DGLUCY: variants seen among roughly 807,000 people sequenced by gnomAD.
The protein encoded by DGLUCY is D-glutamate cyclase, mitochondrial.
In DGLUCY, 58 loss-of-function variants were observed where a neutral mutation model predicts 58.5. That is an observed-to-expected ratio of 0.99 (90% CI 0.80 to 1.23). DGLUCY has a LOEUF of 1.23. Among genes scored for constraint, DGLUCY ranks in the 50% most tolerant of loss-of-function variants. The pLI is 0.00. For synonymous variants in DGLUCY, 325 were observed against 314.1 expected, an observed-to-expected ratio of 1.03 and a Z score of -0.37; for missense variants, 779 against 784.7, an observed-to-expected ratio of 0.99 and a Z score of 0.09.
chr14:91,108,406 A>G (rs1240875494), intron 1 of DGLUCY, among the ~76,000 whole-genome samples: 3 of 151,398 alleles, frequency 2.0e-5, no homozygotes, highest in Non-Finnish European at 4.4e-5. Flanking sequence ...AGTCTGTGTC[A>G]GTAAGTTCAC....
chr14:91,191,128 GA>G (rs2049860606), intron 9 of DGLUCY, among the ~76,000 whole-genome samples: 1 of 152,330 alleles, frequency 6.6e-6, no homozygotes, highest in African/African-American at 2.4e-5. Context: ...ACCCCTGGGG[GA>G]CAGGACCTGA....
At chr14:91,183,452 C>A (rs975740858) in intron 8 of DGLUCY, among the ~76,000 whole-genome samples, 1 of 152,182 alleles carries the variant, frequency 6.6e-6, no homozygotes, top group African/African-American at 2.4e-5. Flanking sequence ...CCTTTGTTGG[C>A]AAACACTCAT....
intron 9 of DGLUCY, among the ~76,000 whole-genome samples, chr14:91,191,346 A>G (rs1020442899): frequency 6.6e-6 from 1 of 152,038 alleles, no homozygotes; most frequent in African/African-American, 2.4e-5. Context: ...TCAGTTTGGG[A>G]TGATGAGAAA....
intron 6 of DGLUCY, among the ~76,000 whole-genome samples, chr14:91,173,977 C>T (rs940799311): frequency 2.0e-5 from 3 of 152,010 alleles, no homozygotes; most frequent in Non-Finnish European, 4.4e-5. Flanking sequence ...CAGGGTGGGG[C>T]TGGTCACCAG....
intron 5 of DGLUCY, 66 bp downstream of exon 5, chr14:91,170,267 C>G: frequency 1.3e-6 from 2 of 1,535,820 alleles, no homozygotes; most frequent in Non-Finnish European, 8.8e-7. Context: ...CTTACATATT[C>G]CTGGGGTGGG....
chr14:91,110,687 C>T (rs1257385662), upstream of DGLUCY, among the ~76,000 whole-genome samples: 1 of 152,118 alleles, frequency 6.6e-6, no homozygotes, highest in Non-Finnish European at 1.5e-5. Context: ...CTGCCTGCCT[C>T]AACCTCCCAA....
intron 1 of DGLUCY, among the ~76,000 whole-genome samples, chr14:91,087,542 C>T (rs1436353231): frequency 1.3e-5 from 2 of 152,226 alleles, no homozygotes; most frequent in Non-Finnish European, 1.5e-5. Context: ...TTATACTGGT[C>T]CAAGCAAGCA....
chr14:91,076,678 T>C (rs1022424557), intron 1 of DGLUCY, among the ~76,000 whole-genome samples: 2 of 152,006 alleles, frequency 1.3e-5, no homozygotes, highest in Non-Finnish European at 2.9e-5. Context: ...GATTGAAAGA[T>C]GAGTGGGCAT....
chr14:91,132,259 G>C (rs1436427770), intron 1 of DGLUCY, among the ~76,000 whole-genome samples: 2 of 152,022 alleles, frequency 1.3e-5, no homozygotes, highest in Non-Finnish European at 2.9e-5. Flanking sequence ...ATTTTTGTAA[G>C]TACAATAAAT....
intron 1 of DGLUCY, among the ~76,000 whole-genome samples, chr14:91,135,808 T>G (rs575823637): frequency 6.6e-6 from 1 of 152,046 alleles, no homozygotes; most frequent in South Asian, 2.1e-4. Flanking sequence ...CTGCATTTAT[T>G]GAGATAGTAT....
At chr14:91,175,752 T>C in intron 6 of DGLUCY, 182 bp from the exon 7 acceptor site, 1 of 563,098 alleles carries the variant, frequency 1.8e-6, no homozygotes, top group Non-Finnish European at 3.1e-6. Flanking sequence ...GACTGTAAAT[T>C]ATGGAGTAGC....
intron 1 of DGLUCY, among the ~76,000 whole-genome samples, chr14:91,117,646 TACAC>T (rs765720920): frequency 4.0e-5 from 6 of 149,446 alleles, no homozygotes; most frequent in Non-Finnish European, 8.9e-5. Flanking sequence ...TTTGTTCACA[TACAC>T]ACACACACAC....
intron 8 of DGLUCY, among the ~76,000 whole-genome samples, chr14:91,182,639 C>T (rs1046396623): frequency 2.6e-5 from 4 of 152,156 alleles, no homozygotes; most frequent in African/African-American, 9.7e-5. Flanking sequence ...CCTTTAGTGC[C>T]ATTGCCCTGG....
chr14:91,132,463 G>C (rs189770587), intron 1 of DGLUCY, among the ~76,000 whole-genome samples: 126 of 150,810 alleles, frequency 8.4e-4, no homozygotes, highest in African/African-American at 2.9e-3. Flanking sequence ...ATACTTGGGA[G>C]ACCCATAACT....
At chr14:91,069,064 A>T (rs565127482) in intron 1 of DGLUCY, among the ~76,000 whole-genome samples, 17 of 152,350 alleles carry the variant, frequency 1.1e-4, no homozygotes, top group Non-Finnish European at 2.4e-4. Flanking sequence ...TAAATAACCT[A>T]ATGAAAAAGT....
intron 10 of DGLUCY, among the ~76,000 whole-genome samples, chr14:91,197,854 A>G (rs1446105917): frequency 6.6e-6 from 1 of 152,218 alleles, no homozygotes; most frequent in African/African-American, 2.4e-5. Flanking sequence ...TGCTATGAGC[A>G]TGGGTGGACA....
At chr14:91,207,882 G>C (rs1183990389) in intron 12 of DGLUCY, among the ~76,000 whole-genome samples, 1 of 152,098 alleles carries the variant, frequency 6.6e-6, no homozygotes, top group Non-Finnish European at 1.5e-5. Context: ...GAGTAGCTGG[G>C]ATTACAGGCA....
intron 1 of DGLUCY, among the ~76,000 whole-genome samples, chr14:91,089,490 G>A (rs1479773905): frequency 6.6e-6 from 1 of 152,150 alleles, no homozygotes; most frequent in Non-Finnish European, 1.5e-5. Context: ...AAACTAGGGT[G>A]ACCAAGCAAT....
rs1183145907 is a variant in DGLUCY, at chr14:91,200,186, G to A, written c.1444+281G>A. On this transcript the variant is annotated intron_variant, in intron 11 of 13. Coordinates refer to ENST00000256324, the MANE Select transcript of DGLUCY (RefSeq NM_001102368.3). ...GCCAGGCTGGTCTGGAACTCCTGAC[G>A]TCAAGTGATCTACCCACCTCAGCCT... Among the ~76,000 whole-genome samples the A allele has an allele frequency of 3.3e-5, 5 of 152,072 alleles. No homozygotes were observed. The South Asian group carries it at 6.2e-4, about 19-fold the overall frequency.
Sources: gnomAD v4.1 joint callset for allele counts (sites outside exome capture counted in the v4.1 genomes callset) on GRCh38, gnomAD v4.1.1 for gene constraint, MANE v1.5 for transcripts, NCBI Gene and HGNC (gene_info 2026-07-23, HGNC 2026-07-21) for gene names.